The following PMM2 variants were observed in gnomAD, a reference collection of about 807,000 sequenced individuals.
PMM2 encodes the protein phosphomannomutase 2.
In PMM2, 35 loss-of-function variants were observed where a neutral mutation model predicts 33.2. The observed-to-expected ratio is 1.06, with a 90% CI of 0.81 to 1.40. The LOEUF (loss-of-function observed/expected upper bound fraction) is 1.40, where lower values mean the gene tolerates loss of function less well. PMM2 is among the 40% of genes most tolerant of loss of function. The probability of loss-of-function intolerance (pLI) is 0.00; values close to 1 mark genes in which losing one functional copy is unlikely to be tolerated. For missense variants in PMM2, 386 were observed against 306.0 expected, an observed-to-expected ratio of 1.26 and a Z score of -1.95; for synonymous variants, 153 against 114.7, an observed-to-expected ratio of 1.33 and a Z score of -2.13.
chr16:8,808,521 C>CA (rs1274171980), intron 4 of PMM2: 1 of 152,252 alleles, frequency 6.6e-6, no homozygotes, highest in Non-Finnish European at 1.5e-5. Flanking sequence ...CATTTGTCCA[C>CA]ATTTGCCTGA....
chr16:8,842,915 G>GA (rs2060899346), intron 7 of PMM2, among the ~76,000 whole-genome samples: 1 of 152,120 alleles, frequency 6.6e-6, no homozygotes, highest in Admixed American at 6.5e-5. Context: ...GGAAGGAGTA[G>GA]AAATGTCCCA....
chr16:8,820,351 CTTTT>C lies in PMM2; in HGVS notation c.639+7259_639+7262del, dbSNP rs545958069. On this transcript the variant is annotated intron_variant, in intron 7 of 7. Transcript: ENST00000268261. ...TCAGCCCAGTGAGGACACAGTTCTT[CTTTT>C]TTTTTTTTTTTTTCCTGAGACAAGG... Among the ~76,000 whole-genome samples the C allele has an allele frequency of 4.3e-3, 574 of 133,128 alleles. 7 individuals are homozygous for C. The highest frequency in any genetic ancestry group is 0.016 in the African/African-American group (528 of 32,162). The allele number at this position is 133,128 out of a possible 152,430, so 87.3% of individuals were successfully genotyped here.
chr16:8,843,465 C>G (rs1319249364), intron 7 of PMM2, among the ~76,000 whole-genome samples: 1 of 151,964 alleles, frequency 6.6e-6, no homozygotes, highest in South Asian at 2.1e-4. Flanking sequence ...GGGTCCCGCA[C>G]AGATGGGACA....
chr16:8,840,069 T>C (rs943966392), intron 7 of PMM2, among the ~76,000 whole-genome samples: 1 of 151,298 alleles, frequency 6.6e-6, no homozygotes, highest in Non-Finnish European at 1.5e-5. Flanking sequence ...GTCTGTAAGG[T>C]GGGGACAGCT....
chr16:8,817,118 C>T (rs1278771088), intron 7 of PMM2, among the ~76,000 whole-genome samples: 2 of 152,152 alleles, frequency 1.3e-5, no homozygotes, highest in African/African-American at 4.8e-5. Flanking sequence ...CTTTCCACTA[C>T]GATAAGCTCT....
intron 7 of PMM2, among the ~76,000 whole-genome samples, chr16:8,841,363 T>G (rs1288181177): frequency 7.9e-5 from 12 of 151,188 alleles, no homozygotes; most frequent in Non-Finnish European, 1.3e-4. Context: ...AGGCCTCTAC[T>G]TATCTAGTGA....
chr16:8,811,048 T>C, intron 4 of PMM2, 31 bp from the exon 5 acceptor site: 1 of 1,327,028 alleles, frequency 7.5e-7, no homozygotes, highest in East Asian at 2.5e-5. Flanking sequence ...AACGTGTTTT[T>C]GGAGAAACTC....
chr16:8,831,247 G>A lies in PMM2; in HGVS notation c.640-16477G>A, dbSNP rs2060808078. Among the ~76,000 whole-genome samples the A allele has an allele frequency of 2.0e-5, 3 of 152,260 alleles. No homozygotes were observed. In the South Asian group the frequency reaches 6.2e-4, roughly 32 times the overall value. On this transcript the variant is annotated intron_variant, in intron 7 of 7. Coordinates refer to ENST00000268261, the MANE Select transcript of PMM2 (RefSeq NM_000303.3). ...GCTTGGAGGTTAGAAGCAAGATGGA[G>A]TCAGGCCAGATCTCTTTCACTGTTA...
intron 1 of PMM2, among the ~76,000 whole-genome samples, chr16:8,800,955 T>C (rs2060612741): frequency 6.6e-6 from 1 of 152,250 alleles, no homozygotes; most frequent in South Asian, 2.1e-4. Context: ...AGTGCCGGGA[T>C]TACAGGCATG....
chr16:8,837,019 A>G (rs373953912), intron 7 of PMM2, among the ~76,000 whole-genome samples: 18 of 152,084 alleles, frequency 1.2e-4, no homozygotes, highest in African/African-American at 3.4e-4. Context: ...AGGGTGGAGG[A>G]GCGGAGGCTG....
chr16:8,823,345 C>T (rs1272703839), intron 7 of PMM2, among the ~76,000 whole-genome samples: 2 of 152,072 alleles, frequency 1.3e-5, no homozygotes, highest in African/African-American at 4.8e-5. Flanking sequence ...AATTGTAGCC[C>T]ACAGAGAATT....
chr16:8,807,812 T>C (rs1302570346), intron 4 of PMM2: 1 of 152,240 alleles, frequency 6.6e-6, no homozygotes, highest in Non-Finnish European at 1.5e-5. Context: ...ATGTTTGGTT[T>C]GGGGACCTAC....
rs974317044 is a variant in PMM2 at position 8,849,014 on chromosome 16, G to A, written c.*1189G>A. 2 of 152,210 alleles carry A rather than the reference G, an allele frequency of 1.3e-5. No homozygotes were observed. The highest frequency in any genetic ancestry group is 4.8e-5 in the African/African-American group (2 of 41,428). The allele number at this position is 152,210 out of a possible 1,614,324, so 9.4% of individuals were successfully genotyped here. ...TGAGCCATACACCCTCCATTGCTTG[G>A]TGCTGGGGTTGTGTGGCCTCCACTG... is the stretch of plus-strand genomic sequence containing the variant. On this transcript the variant is annotated 3_prime_UTR_variant, in exon 8 of 8. Transcript: ENST00000268261.
chr16:8,833,771 G>C (rs1397143500), intron 7 of PMM2, among the ~76,000 whole-genome samples: 1 of 152,030 alleles, frequency 6.6e-6, no homozygotes, highest in Non-Finnish European at 1.5e-5. Context: ...GAGAAAAACA[G>C]GTATAAAAGG....
intron 4 of PMM2, chr16:8,810,803 A>G (rs1018995850): frequency 2.1e-6 from 1 of 468,650 alleles, no homozygotes; most frequent in African/African-American, 2.0e-5. Context: ...AAATATGAGC[A>G]TTTTAACACA....
chr16:8,840,366 G>C (rs1403739887), intron 7 of PMM2, among the ~76,000 whole-genome samples: 1 of 151,998 alleles, frequency 6.6e-6, no homozygotes, highest in Non-Finnish European at 1.5e-5. Context: ...AGAGATATCA[G>C]CTGTGATGGC....
intron 7 of PMM2, among the ~76,000 whole-genome samples, chr16:8,836,517 G>T (rs1315221623): frequency 2.0e-5 from 3 of 152,076 alleles, no homozygotes; most frequent in East Asian, 1.9e-4. Context: ...ACGCCTGGCT[G>T]CTGCGGTTCA....
intron 1 of PMM2, among the ~76,000 whole-genome samples, chr16:8,799,735 A>G (rs2060601846): frequency 6.6e-6 from 1 of 152,060 alleles, no homozygotes; most frequent in African/African-American, 2.4e-5. Flanking sequence ...TTTAGTAGAG[A>G]TGGGGTTTCA....
At chr16:8,831,355 A>C (rs951205219) in intron 7 of PMM2, among the ~76,000 whole-genome samples, 2 of 152,206 alleles carry the variant, frequency 1.3e-5, no homozygotes, top group African/African-American at 4.8e-5. Context: ...ATACTTGTTA[A>C]ACAACCAAAA....
Sources: allele counts gnomAD v4.1 joint callset (sites outside exome capture counted in the v4.1 genomes callset), GRCh38; gene constraint gnomAD v4.1.1; transcripts MANE v1.5; gene names NCBI Gene and HGNC (gene_info 2026-07-23, HGNC 2026-07-21).